The following SPAG16 variants were observed in gnomAD, a reference collection of about 807,000 sequenced individuals.
SPAG16 encodes the protein sperm associated antigen 16.
Under a neutral mutation model 80.4 loss-of-function variants are expected in SPAG16, and 86 were observed. The observed-to-expected ratio is 1.07, with a 90% CI of 0.90 to 1.28. The LOEUF (loss-of-function observed/expected upper bound fraction) is 1.28, where lower values mean the gene tolerates loss of function less well. SPAG16 is among the 50% of genes most tolerant of loss of function. The pLI is 0.00. For missense variants in SPAG16, 870 were observed against 765.3 expected, an observed-to-expected ratio of 1.14 and a Z score of -1.61; for synonymous variants, 294 against 265.9, an observed-to-expected ratio of 1.11 and a Z score of -1.03.
intron 12 of SPAG16, among the ~76,000 whole-genome samples, chr2:213,981,223 C>A (rs865902375): frequency 6.6e-6 from 1 of 152,072 alleles, no homozygotes; most frequent in African/African-American, 2.4e-5. Flanking sequence ...AGTGCTTCAC[C>A]CTTAAGAACT....
intron 9 of SPAG16, among the ~76,000 whole-genome samples, chr2:213,375,824 G>A (rs2066857184): frequency 6.6e-6 from 1 of 151,650 alleles, no homozygotes. Context: ...AATTCTAGAA[G>A]AAGAATAGAT....
chr2:213,656,868 C>A (rs2063241139), intron 10 of SPAG16, among the ~76,000 whole-genome samples: 1 of 152,156 alleles, frequency 6.6e-6, no homozygotes, highest in Admixed American at 6.5e-5. Flanking sequence ...CATGGAGAAT[C>A]TCTGAAGTCT....
chr2:213,398,136 A>G (rs1575480088), intron 9 of SPAG16, among the ~76,000 whole-genome samples: 1 of 147,618 alleles, frequency 6.8e-6, no homozygotes, highest in South Asian at 2.1e-4. Context: ...CTACATTTTC[A>G]TTTTTTCTTA....
intron 10 of SPAG16, among the ~76,000 whole-genome samples, chr2:213,725,809 A>T (rs1431905258): frequency 6.6e-6 from 1 of 152,194 alleles, no homozygotes; most frequent in Non-Finnish European, 1.5e-5. Flanking sequence ...TCCAACAGCA[A>T]CCTAAATAGC....
At chr2:214,293,116 G>A (rs1576699513) in intron 15 of SPAG16, among the ~76,000 whole-genome samples, 1 of 152,316 alleles carries the variant, frequency 6.6e-6, no homozygotes, top group East Asian at 1.9e-4. Flanking sequence ...GCACATTCAG[G>A]CAGGCCAATT....
At chr2:213,825,434 G>T (rs2073215591) in intron 10 of SPAG16, among the ~76,000 whole-genome samples, 1 of 152,070 alleles carries the variant, frequency 6.6e-6, no homozygotes, top group Non-Finnish European at 1.5e-5. Flanking sequence ...TTGTCATGAA[G>T]AGATGTTGAA....
At chr2:213,642,521 G>A (rs1253856285) in intron 10 of SPAG16, among the ~76,000 whole-genome samples, 5 of 151,944 alleles carry the variant, frequency 3.3e-5, no homozygotes, top group Admixed American at 6.6e-5. Context: ...CAGTGGGTTG[G>A]GAAAGGCAGA....
chr2:214,135,999 G>C (rs975602464), intron 14 of SPAG16, among the ~76,000 whole-genome samples: 1 of 152,158 alleles, frequency 6.6e-6, no homozygotes, highest in Non-Finnish European at 1.5e-5. Flanking sequence ...GTTTCAGGGA[G>C]CCTCCACTCA....
chr2:214,283,628 AAAAAT>A (rs2125917629), intron 15 of SPAG16, among the ~76,000 whole-genome samples: 1 of 152,310 alleles, frequency 6.6e-6, no homozygotes, highest in African/African-American at 2.4e-5. Flanking sequence ...CAAAAAATAA[AAAAAT>A]AAAAAGCTTT....
intron 13 of SPAG16, among the ~76,000 whole-genome samples, chr2:214,032,251 G>T (rs1222276247): frequency 6.6e-6 from 1 of 152,178 alleles, no homozygotes; most frequent in Non-Finnish European, 1.5e-5. Flanking sequence ...GTTCAAGAAT[G>T]TTCCTCAGGA....
At chr2:214,371,741 C>T (rs992712464) in intron 15 of SPAG16, among the ~76,000 whole-genome samples, 5 of 146,968 alleles carry the variant, frequency 3.4e-5, no homozygotes, top group African/African-American at 1.0e-4. Context: ...AGTGCAATGG[C>T]GTGATCTTGG....
At chr2:213,682,596 G>T (rs934146410) in intron 10 of SPAG16, among the ~76,000 whole-genome samples, 4 of 152,200 alleles carry the variant, frequency 2.6e-5, no homozygotes, top group African/African-American at 9.6e-5. Context: ...CACAAGCTCA[G>T]AATGTTTCTG....
At chr2:214,391,158 C>CTACTACTTACTAGTTTTATA (rs1701059404) in intron 15 of SPAG16, among the ~76,000 whole-genome samples, 1 of 152,084 alleles carries the variant, frequency 6.6e-6, no homozygotes, top group Admixed American at 6.5e-5. Context: ...AATCTTGACC[C>CTACTACTTACTAGTTTTATA]TACTACTTAC....
chr2:213,284,755 C>T (rs2061992296), intron 1 of SPAG16, 136 bp downstream of exon 1: 1 of 1,261,110 alleles, frequency 7.9e-7, no homozygotes, highest in South Asian at 1.6e-5. Context: ...CTTCAAGGTG[C>T]TGTTTTTGCC....
chr2:213,368,267 G>C (rs1202615466), intron 8 of SPAG16, among the ~76,000 whole-genome samples: 1 of 152,084 alleles, frequency 6.6e-6, no homozygotes, highest in African/African-American at 2.4e-5. Context: ...TCTTGGCTAT[G>C]TAGGCTCTTT....
At chr2:213,509,004 C>CTTTTCT (rs765527490) in intron 10 of SPAG16, among the ~76,000 whole-genome samples, 58 of 146,484 alleles carry the variant, frequency 4.0e-4, no homozygotes, top group Non-Finnish European at 5.0e-4. Flanking sequence ...CTTTTCTTTT[C>CTTTTCT]TTTTTTTTTT....
chr2:213,429,427 G>A (rs2070151861), intron 9 of SPAG16, among the ~76,000 whole-genome samples: 1 of 152,074 alleles, frequency 6.6e-6, no homozygotes, highest in Non-Finnish European at 1.5e-5. Flanking sequence ...CTAGCTAATT[G>A]CCTGGGACAA....
At chr2:214,089,955 G>T (rs2052059627) in intron 13 of SPAG16, among the ~76,000 whole-genome samples, 1 of 151,752 alleles carries the variant, frequency 6.6e-6, no homozygotes. Flanking sequence ...TGCTCCCTGG[G>T]CAACTAACTA....
intron 10 of SPAG16, among the ~76,000 whole-genome samples, chr2:213,533,985 A>G (rs1575867859): frequency 1.3e-5 from 2 of 151,940 alleles, no homozygotes; most frequent in South Asian, 4.1e-4. Flanking sequence ...ATCACCTCCT[A>G]TTGTTGCATA....
Sources: gnomAD v4.1 joint callset for allele counts (sites outside exome capture counted in the v4.1 genomes callset) on GRCh38, gnomAD v4.1.1 for gene constraint, MANE v1.5 for transcripts, NCBI Gene and HGNC (gene_info 2026-07-23, HGNC 2026-07-21) for gene names.